Variants in CDH13 observed in about 807,000 individuals in gnomAD.
CDH13 encodes the protein cadherin-13.
In CDH13, 24 loss-of-function variants were observed where a neutral mutation model predicts 63.8. The ratio of observed to expected loss-of-function variants is 0.38; its 90% confidence interval spans 0.27 to 0.53. The LOEUF (loss-of-function observed/expected upper bound fraction) is 0.53. CDH13 is among the 20% of genes least tolerant of loss of function. CDH13 has a pLI of 0.85. For synonymous variants in CDH13, 503 were observed against 355.3 expected (o/e 1.42, Z -4.67); for missense variants, 1,049 against 903.1 (o/e 1.16, Z -2.07).
chr16:82,950,968 C>G (rs11866755), intron 2 of CDH13, among the ~76,000 whole-genome samples: 2 of 152,012 alleles, frequency 1.3e-5, no homozygotes, highest in Non-Finnish European at 1.5e-5. Context: ...TCTCCAACTG[C>G]TATGCTTCAG....
intron 6 of CDH13, among the ~76,000 whole-genome samples, chr16:83,364,804 G>C (rs1052117463): frequency 1.8e-4 from 28 of 152,188 alleles, no homozygotes; most frequent in Admixed American, 3.3e-4. Context: ...TTCATTGTAA[G>C]AAATTGGTTC....
At chr16:82,929,004 C>T (rs1195688627) in intron 2 of CDH13, among the ~76,000 whole-genome samples, 1 of 152,170 alleles carries the variant, frequency 6.6e-6, no homozygotes, top group Non-Finnish European at 1.5e-5. Flanking sequence ...CTGGCACTTT[C>T]TAAGAGATCT....
chr16:83,051,692 C>T (rs1190705218), intron 3 of CDH13, among the ~76,000 whole-genome samples: 1 of 152,210 alleles, frequency 6.6e-6, no homozygotes, highest in Admixed American at 6.5e-5. Flanking sequence ...TTAAGTAAAC[C>T]TCTGCTTATG....
chr16:83,257,214 G>A (rs952289305), intron 5 of CDH13, among the ~76,000 whole-genome samples: 4 of 151,810 alleles, frequency 2.6e-5, no homozygotes, highest in Non-Finnish European at 5.9e-5. Flanking sequence ...GGGCTTCATG[G>A]ACAAAGAGAC....
At chr16:83,736,935 G>A (rs576791136) in intron 10 of CDH13, among the ~76,000 whole-genome samples, 8 of 152,320 alleles carry the variant, frequency 5.3e-5, no homozygotes, top group Admixed American at 5.2e-4. Context: ...GAGAAGATGT[G>A]TGCAGTCCCT....
chr16:82,666,438 G>T (rs1256800972), intron 1 of CDH13, among the ~76,000 whole-genome samples: 1 of 152,180 alleles, frequency 6.6e-6, no homozygotes. Context: ...CACTGTGCTT[G>T]TTCCTTCCAC....
intron 7 of CDH13, among the ~76,000 whole-genome samples, chr16:83,561,863 G>A (rs2150689233): frequency 6.6e-6 from 1 of 152,324 alleles, no homozygotes; most frequent in South Asian, 2.1e-4. Flanking sequence ...CCACTGCTCT[G>A]AATCTGACTA....
intron 2 of CDH13, among the ~76,000 whole-genome samples, chr16:82,983,140 G>A (rs1487293842): frequency 1.3e-5 from 2 of 152,250 alleles, no homozygotes; most frequent in Admixed American, 6.5e-5. Context: ...CTGTTTCTGG[G>A]AATCTTCAAA....
In CDH13 at chr16:83,705,844, A is replaced by G. The variant is rs142268740; in HGVS notation, c.1538+27383A>G. Reference sequence around the variant, plus strand: ...GATCCCCAGGGTTCCTTCAAGCACCAACAATCTCTATGTCTCCCATCCTAA... The same window carrying G: ...GATCCCCAGGGTTCCTTCAAGCACCGACAATCTCTATGTCTCCCATCCTAA... On this transcript the variant is annotated intron_variant, in intron 10 of 13. Coordinates refer to ENST00000567109, the MANE Select transcript of CDH13 (RefSeq NM_001257.5). Among the ~76,000 whole-genome samples the G allele has an allele frequency of 4.6e-3, 705 of 152,314 alleles. 5 individuals are homozygous for G. Among genetic ancestry groups the G allele is most frequent in the African/African-American group, 0.016 (669 of 41,576 alleles).
chr16:82,841,658 A>G (rs1027367563), intron 1 of CDH13, among the ~76,000 whole-genome samples: 1 of 151,182 alleles, frequency 6.6e-6, no homozygotes, highest in African/African-American at 2.4e-5. Flanking sequence ...TTTAACTCAT[A>G]CATAGTGTAA....
intron 5 of CDH13, among the ~76,000 whole-genome samples, chr16:83,294,256 C>G (rs915767721): frequency 5.9e-5 from 9 of 152,132 alleles, no homozygotes; most frequent in African/African-American, 7.2e-5. Flanking sequence ...TTTACATTCA[C>G]TCTTTTAGCA....
intron 1 of CDH13, among the ~76,000 whole-genome samples, chr16:82,718,233 T>C (rs1041030720): frequency 2.6e-5 from 4 of 152,172 alleles, no homozygotes; most frequent in South Asian, 4.1e-4. Flanking sequence ...CTCATAGTTA[T>C]CCCCACTGAG....
rs1904290007 is a variant in CDH13, at chr16:83,797,844, T to C, written c.*2814T>C. 1 of 152,230 alleles carries C rather than the reference T, an allele frequency of 6.6e-6. No individual in the cohort carries two copies. Among genetic ancestry groups the C allele is most frequent in the South Asian group, 2.1e-4 (1 of 4,830 alleles). 9.4% of individuals were successfully genotyped at this position (152,230 alleles called of 1,614,324 possible). A position where few individuals can be genotyped will look rare whatever the true frequency, so the allele number is the denominator to read the frequency against. ...AACTTAGTTGATTAAAAATCACATT[T>C]TCTCCCTCATTTTACATACGATAAA... On this transcript the variant is annotated 3_prime_UTR_variant, in exon 14 of 14. Transcript: ENST00000567109.
intron 8 of CDH13, among the ~76,000 whole-genome samples, chr16:83,608,757 C>T (rs1317544538): frequency 6.6e-6 from 1 of 151,762 alleles, no homozygotes; most frequent in Non-Finnish European, 1.5e-5. Flanking sequence ...ATCCACCCAC[C>T]TAAGCTTCCC....
chr16:82,724,102 T>A (rs2032947612), intron 1 of CDH13, among the ~76,000 whole-genome samples: 1 of 152,192 alleles, frequency 6.6e-6, no homozygotes, highest in Admixed American at 6.5e-5. Context: ...TTAGGCCTTG[T>A]GAAGCTTGAA....
At chr16:82,668,334 ATAAT>A (rs972348077) in intron 1 of CDH13, among the ~76,000 whole-genome samples, 1 of 152,126 alleles carries the variant, frequency 6.6e-6, no homozygotes, top group Admixed American at 6.5e-5. Context: ...AGGCCCGCTG[ATAAT>A]TAAAGGGTGC....
intron 6 of CDH13, among the ~76,000 whole-genome samples, chr16:83,484,642 C>T (rs2073846289): frequency 6.6e-6 from 1 of 152,174 alleles, no homozygotes; most frequent in Admixed American, 6.5e-5. Flanking sequence ...TCCCGATGAC[C>T]ATGCCAAATC....
intron 2 of CDH13, among the ~76,000 whole-genome samples, chr16:82,971,513 G>C (rs113014792): frequency 6.6e-6 from 1 of 152,208 alleles, no homozygotes; most frequent in Non-Finnish European, 1.5e-5. Flanking sequence ...CATCTACCAA[G>C]TGCATCGAAG....
rs1262409064 is a variant in CDH13 at position 83,162,045 on chromosome 16, G to A, written c.483+36544G>A. Among the ~76,000 whole-genome samples, 48 of 152,098 alleles carry A rather than the reference G, an allele frequency of 3.2e-4. 1 individual carries two copies. The highest frequency in any genetic ancestry group is 5.0e-4 in the Non-Finnish European group (34 of 68,026). ...TAAAGTCAGCTAGTCCCTTTGTTTG[G>A]GGGTTAGGCCCATTTTATAAAGAAT... On this transcript the variant is annotated intron_variant, in intron 4 of 13. Coordinates refer to ENST00000567109, the MANE Select transcript of CDH13 (RefSeq NM_001257.5).
Sources: allele counts gnomAD v4.1 joint callset (sites outside exome capture counted in the v4.1 genomes callset), GRCh38; gene constraint gnomAD v4.1.1; transcripts MANE v1.5; gene names NCBI Gene and HGNC (gene_info 2026-07-23, HGNC 2026-07-21).